LSAMP: variants seen among roughly 807,000 people sequenced by gnomAD.
LSAMP encodes limbic system-associated membrane protein.
Under a neutral mutation model 38.6 loss-of-function variants are expected in LSAMP, and 7 were observed. The ratio of observed to expected loss-of-function variants is 0.18; its 90% CI spans 0.10 to 0.34. The LOEUF is 0.34. LSAMP is among the 10% of genes least tolerant of loss of function. The pLI is 1.00. For missense variants in LSAMP, 313 were observed against 420.0 expected (o/e 0.75, Z 2.23); for synonymous variants, 154 against 166.8 (o/e 0.92, Z 0.59).
At chr3:116,119,396 T>G (rs1189704806) in intron 1 of LSAMP, among the ~76,000 whole-genome samples, 1 of 152,082 alleles carries the variant, frequency 6.6e-6, no homozygotes, top group Non-Finnish European at 1.5e-5. Flanking sequence ...CATCATAAAT[T>G]GTACCAAACT....
At chr3:115,947,021 C>T (rs1194238503) in intron 3 of LSAMP, among the ~76,000 whole-genome samples, 1 of 151,694 alleles carries the variant, frequency 6.6e-6, no homozygotes, top group Non-Finnish European at 1.5e-5. Flanking sequence ...TGTAATTCAC[C>T]ATATTAACAG....
intron 3 of LSAMP, among the ~76,000 whole-genome samples, chr3:115,940,900 T>C (rs562478530): frequency 5.3e-5 from 8 of 152,340 alleles, no homozygotes; most frequent in Non-Finnish European, 4.4e-5. Context: ...TTTCTCAAGA[T>C]CACTTTGGCT....
chr3:116,340,474 G>GA (rs1478636143), intron 1 of LSAMP, among the ~76,000 whole-genome samples: 3 of 151,764 alleles, frequency 2.0e-5, no homozygotes, highest in Non-Finnish European at 2.9e-5. Context: ...TCTCAAGATG[G>GA]AAAAAAGTAC....
chr3:115,849,365 A>C (rs1045531324), intron 4 of LSAMP, among the ~76,000 whole-genome samples: 49 of 152,302 alleles, frequency 3.2e-4, no homozygotes, highest in African/African-American at 1.1e-3. Flanking sequence ...AGAGACTGTT[A>C]TGTCTCTCTT....
chr3:115,873,745 T>C (rs578115322), intron 3 of LSAMP, among the ~76,000 whole-genome samples: 4 of 152,276 alleles, frequency 2.6e-5, no homozygotes, highest in Admixed American at 1.3e-4. Context: ...TGATGACCTA[T>C]AAGATTGCTA....
chr3:116,113,393 G>A (rs1194061348), intron 1 of LSAMP, among the ~76,000 whole-genome samples: 1 of 109,226 alleles, frequency 9.2e-6, no homozygotes. Flanking sequence ...TTAGAAATAT[G>A]TTTGCCCTAT....
intron 1 of LSAMP, among the ~76,000 whole-genome samples, chr3:116,214,225 C>A (rs1205891043): frequency 2.0e-5 from 3 of 152,126 alleles, no homozygotes; most frequent in African/African-American, 7.2e-5. Context: ...AATTATGACT[C>A]AAAATAAAGT....
chr3:116,311,935 C>T (rs1369992786), intron 1 of LSAMP, among the ~76,000 whole-genome samples: 2 of 152,056 alleles, frequency 1.3e-5, no homozygotes, highest in Non-Finnish European at 2.9e-5. Flanking sequence ...AGAAATAAAG[C>T]CCTGAGCAAG....
intron 3 of LSAMP, among the ~76,000 whole-genome samples, chr3:115,981,040 G>T (rs1939343670): frequency 6.6e-6 from 1 of 152,104 alleles, no homozygotes; most frequent in South Asian, 2.1e-4. Flanking sequence ...CAGTGTCCCA[G>T]ACTGAGTTCC....
chr3:115,919,644 C>G (rs1937336820), intron 3 of LSAMP, among the ~76,000 whole-genome samples: 1 of 152,154 alleles, frequency 6.6e-6, no homozygotes, highest in African/African-American at 2.4e-5. Context: ...CGGAGTCTTG[C>G]TCTGTCACTT....
At chr3:116,125,843 G>A (rs987504100) in intron 1 of LSAMP, among the ~76,000 whole-genome samples, 1 of 152,156 alleles carries the variant, frequency 6.6e-6, no homozygotes, top group Non-Finnish European at 1.5e-5. Flanking sequence ...GTAACCAAAA[G>A]AGAAAAGACA....
intron 1 of LSAMP, among the ~76,000 whole-genome samples, chr3:116,273,789 A>ATC (rs2047010415): frequency 7.4e-6 from 1 of 134,896 alleles, no homozygotes; most frequent in Admixed American, 7.6e-5. Flanking sequence ...TTACAGATAT[A>ATC]TATATCTTTC....
chr3:116,381,893 G>T lies in LSAMP; in HGVS notation c.155+62984C>A, dbSNP rs73861669. 9.1e-4 allele frequency among the ~76,000 whole-genome samples: 138 copies of T among 152,194 alleles called. 1 individual carries two copies. The highest frequency in any genetic ancestry group is 3.2e-3 in the African/African-American group (132 of 41,528). On this transcript the variant is annotated intron_variant, in intron 1 of 6. Transcript: ENST00000490035. Reference sequence around the variant, plus strand: ...CATACAATATGGACTTGATTCTAAGGGAGAGGTTGGAAAACTATGTTTTGG... The same window carrying T: ...CATACAATATGGACTTGATTCTAAGTGAGAGGTTGGAAAACTATGTTTTGG...
At chr3:116,305,992 C>T (rs1437637757) in intron 1 of LSAMP, among the ~76,000 whole-genome samples, 1 of 147,318 alleles carries the variant, frequency 6.8e-6, no homozygotes, top group Non-Finnish European at 1.5e-5. Context: ...TGAATTTGTA[C>T]TGTGTGCCCA....
At chr3:116,379,023 AC>A (rs2048525190) in intron 1 of LSAMP, among the ~76,000 whole-genome samples, 1 of 149,598 alleles carries the variant, frequency 6.7e-6, no homozygotes, top group Non-Finnish European at 1.5e-5. Flanking sequence ...ACACACACAC[AC>A]ACACACACAC....
chr3:115,920,205 G>A (rs574369753), intron 3 of LSAMP, among the ~76,000 whole-genome samples: 2 of 152,272 alleles, frequency 1.3e-5, no homozygotes, highest in African/African-American at 4.8e-5. Flanking sequence ...ATACTCAGAA[G>A]TGAGATCACT....
At chr3:116,214,071 A>G (rs2046192490) in intron 1 of LSAMP, among the ~76,000 whole-genome samples, 1 of 152,234 alleles carries the variant, frequency 6.6e-6, no homozygotes, top group African/African-American at 2.4e-5. Context: ...TTATCACAAT[A>G]AAATGATTTT....
intron 3 of LSAMP, among the ~76,000 whole-genome samples, chr3:115,999,075 A>G (rs1939911229): frequency 6.6e-6 from 1 of 152,178 alleles, no homozygotes; most frequent in Non-Finnish European, 1.5e-5. Context: ...TTCCCAGCTC[A>G]GAGTGTTAAT....
chr3:116,075,371 C>T (rs1331621555), intron 2 of LSAMP, among the ~76,000 whole-genome samples: 8 of 149,198 alleles, frequency 5.4e-5, no homozygotes, highest in Admixed American at 4.7e-4. Flanking sequence ...TTCCTGACCT[C>T]GTGATCCGCC....
Sources: allele counts gnomAD v4.1 joint callset (sites outside exome capture counted in the v4.1 genomes callset), GRCh38; gene constraint gnomAD v4.1.1; transcripts MANE v1.5; gene names NCBI Gene and HGNC (gene_info 2026-07-23, HGNC 2026-07-21).